Variants in CMC1 observed in about 807,000 individuals in gnomAD.
CMC1 encodes the protein C-X9-C motif containing 1, also known as COX assembly mitochondrial protein homolog.
A neutral mutation model predicts 14.1 loss-of-function variants in CMC1; 14 were observed. The observed-to-expected ratio is 0.99, with a 90% CI of 0.66 to 1.55. CMC1 has a LOEUF of 1.55. CMC1 is among the 40% of genes most tolerant of loss of function. The pLI is 0.00. For synonymous variants in CMC1, 50 were observed against 38.4 expected, an observed-to-expected ratio of 1.30 and a Z score of -1.12; for missense variants, 127 against 123.8, an observed-to-expected ratio of 1.03 and a Z score of -0.12.
At chr3:28,241,839 C>T (rs1039024789) in intron 1 of CMC1, 27 bp downstream of exon 1, 44 of 1,236,296 alleles carry the variant, frequency 3.6e-5, no homozygotes, top group Non-Finnish European at 4.4e-5. Flanking sequence ...CGGGGTTTGC[C>T]GAGGGGCCTC....
At chr3:28,271,224 C>G (rs1171281744) in intron 2 of CMC1, among the ~76,000 whole-genome samples, 1 of 152,154 alleles carries the variant, frequency 6.6e-6, no homozygotes, top group Non-Finnish European at 1.5e-5. Context: ...CCTCAGCTTC[C>G]TAAGTAGCTG....
intron 3 of CMC1, chr3:28,318,400 A>AT (rs1467234783): frequency 6.6e-6 from 1 of 151,422 alleles, no homozygotes; most frequent in Non-Finnish European, 1.5e-5. Flanking sequence ...CCCTGATAAT[A>AT]TTTTTTCCCA....
intron 2 of CMC1, among the ~76,000 whole-genome samples, chr3:28,267,372 A>G (rs1444599590): frequency 6.6e-6 from 1 of 152,190 alleles, no homozygotes; most frequent in Non-Finnish European, 1.5e-5. Flanking sequence ...CTTTAGAAAT[A>G]ATAACAGCCC....
intron 1 of CMC1, among the ~76,000 whole-genome samples, chr3:28,244,720 C>T (rs1214441271): frequency 1.4e-5 from 2 of 147,846 alleles, no homozygotes; most frequent in Non-Finnish European, 3.0e-5. Flanking sequence ...AGTGAGACTT[C>T]GTCTCAAAAA....
intron 2 of CMC1, among the ~76,000 whole-genome samples, chr3:28,310,477 T>C (rs1299818538): frequency 6.6e-6 from 1 of 152,228 alleles, no homozygotes; most frequent in Admixed American, 6.5e-5. Flanking sequence ...ATTAATTAAC[T>C]CATTGGACAG....
chr3:28,319,394 C>A, intron 3 of CMC1, 115 bp from the exon 4 acceptor site: 2 of 944,270 alleles, frequency 2.1e-6, no homozygotes, highest in Non-Finnish European at 3.5e-6. Flanking sequence ...TAAAAGTGTA[C>A]TTCTAAAGAT....
chr3:28,314,234 G>C (rs148121764), intron 2 of CMC1, among the ~76,000 whole-genome samples: 1 of 152,152 alleles, frequency 6.6e-6, no homozygotes, highest in African/African-American at 2.4e-5. Context: ...AAAAATTAAC[G>C]TATAGGAATA....
chr3:28,294,503 C>T (rs997453203), intron 2 of CMC1: 25 of 953,798 alleles, frequency 2.6e-5, no homozygotes, highest in Admixed American at 1.2e-4. Context: ...ACTAAGTGGA[C>T]GAACTTATAT....
rs1242759890 is a variant in CMC1 at position 28,258,579 on chromosome 3, A to G, written c.20-4712A>G. ...TAAACTAGCCTTGGTGCATTTGCCA[A>G]TAAATTGATCGTATATACATGGAAG... On this transcript the variant is annotated intron_variant, in intron 1 of 3. Coordinates refer to ENST00000466830, the MANE Select transcript of CMC1 (RefSeq NM_182523.2). Among the ~76,000 whole-genome samples the G allele has an allele frequency of 2.7e-5, 4 of 150,444 alleles. No individual in the cohort carries two copies. In the East Asian group the frequency reaches 5.8e-4, roughly 22 times the overall value.
Position 28,323,309 on chromosome 3 carries a change from G to GGGTTACAAT in CMC1, c.*3681_*3689dup, listed in dbSNP as rs1443247409. 1 of 150,616 alleles carries GGGTTACAAT rather than the reference G, an allele frequency of 6.6e-6. No homozygotes were observed. The highest frequency in any genetic ancestry group is 1.5e-5 in the Non-Finnish European group (1 of 67,134). 9.3% of individuals were successfully genotyped at this position (150,616 alleles called of 1,614,324 possible). ...TCTACTACTTATTGAATAGTGTGTA[G>GGGTTACAAT]GGTTACAATCATTTGTTTACACCCC... On this transcript the variant is annotated 3_prime_UTR_variant, in exon 4 of 4. Coordinates refer to ENST00000466830, the MANE Select transcript of CMC1 (RefSeq NM_182523.2).
intron 1 of CMC1, among the ~76,000 whole-genome samples, chr3:28,257,990 C>T (rs543499372): frequency 2.5e-4 from 38 of 150,358 alleles, no homozygotes; most frequent in Admixed American, 2.3e-3. Context: ...TAATTTTAGT[C>T]ATTCTTGTGC....
At chr3:28,298,429 T>C (rs1310297247) in intron 2 of CMC1, 2 of 148,448 alleles carry the variant, frequency 1.3e-5, no homozygotes, top group African/African-American at 4.9e-5. Context: ...TTATATTTTA[T>C]ATATAATATT....
intron 1 of CMC1, among the ~76,000 whole-genome samples, chr3:28,255,829 A>G (rs985103911): frequency 6.6e-6 from 1 of 152,114 alleles, no homozygotes; most frequent in African/African-American, 2.4e-5. Flanking sequence ...CTACCTTTAC[A>G]TAGGCAATGA....
At chr3:28,292,832 A>T (rs994370876) in intron 2 of CMC1, 2 of 152,308 alleles carry the variant, frequency 1.3e-5, no homozygotes, top group African/African-American at 4.8e-5. Flanking sequence ...TGCGACACTG[A>T]TAATTAAGAT....
intron 1 of CMC1, among the ~76,000 whole-genome samples, chr3:28,253,119 A>G (rs1422900123): frequency 1.3e-5 from 2 of 152,364 alleles, no homozygotes; most frequent in Admixed American, 6.5e-5. Context: ...ATATCTGGTC[A>G]TGAGCATACA....
chr3:28,272,405 G>C (rs1206959061), intron 2 of CMC1, among the ~76,000 whole-genome samples: 3 of 152,132 alleles, frequency 2.0e-5, no homozygotes, highest in Non-Finnish European at 4.4e-5. Flanking sequence ...TCAATACCTA[G>C]TTTATTGATG....
At chr3:28,266,376 G>A (rs1470014370) in intron 2 of CMC1, among the ~76,000 whole-genome samples, 2 of 151,896 alleles carry the variant, frequency 1.3e-5, no homozygotes, top group East Asian at 3.9e-4. Flanking sequence ...AAACTATAAC[G>A]TAATACAAAA....
At chr3:28,295,375 T>TA (rs200840968) in intron 2 of CMC1, among the ~76,000 whole-genome samples, 1 of 152,128 alleles carries the variant, frequency 6.6e-6, no homozygotes, top group Non-Finnish European at 1.5e-5. Context: ...TGAAAATATT[T>TA]AAAAAATATG....
intron 1 of CMC1, chr3:28,253,747 A>G: frequency 3.9e-6 from 5 of 1,286,800 alleles, no homozygotes; most frequent in Non-Finnish European, 5.1e-6. Context: ...CAGTAGCACC[A>G]AACTGTCTTC....
Sources: gnomAD v4.1 joint callset for allele counts (sites outside exome capture counted in the v4.1 genomes callset) on GRCh38, gnomAD v4.1.1 for gene constraint, MANE v1.5 for transcripts, NCBI Gene and HGNC (gene_info 2026-07-23, HGNC 2026-07-21) for gene names.